ATP8B2: variants seen among roughly 807,000 people sequenced by gnomAD.
ATP8B2 encodes the protein ATPase phospholipid transporting 8B2.
A neutral mutation model predicts 133.4 loss-of-function variants in ATP8B2; 70 were observed. The ratio of observed to expected loss-of-function variants is 0.52; its 90% confidence interval spans 0.43 to 0.64. The LOEUF is 0.64. Among genes scored for constraint, ATP8B2 ranks in the 30% least tolerant of loss-of-function variants. The pLI is 0.00. For missense variants in ATP8B2, 1,101 were observed against 1,535.7 expected, an observed-to-expected ratio of 0.72 and a Z score of 4.73; for synonymous variants, 517 against 589.5, an observed-to-expected ratio of 0.88 and a Z score of 1.78.
Position 154,346,212 on chromosome 1 carries a change from A to T in ATP8B2, c.2779-19A>T. On this transcript the variant is annotated intron_variant, in intron 24 of 27. Coordinates refer to ENST00000368489, the MANE Select transcript of ATP8B2 (RefSeq NM_001370597.1). This position sits in a 1 kb window ranked among gnomAD's most constrained non-coding sequence, Gnocchi z 4.5. ...GGCAACCTCTGAGGCCCCCTATGCT[A>T]CATGGTCCTCCCACACAGGATGTCC... 1 of 1,611,492 alleles carries T rather than the reference A, an allele frequency of 6.2e-7. No homozygotes were observed. Among genetic ancestry groups the T allele is most frequent in the Non-Finnish European group, 8.5e-7 (1 of 1,178,998 alleles).
At position 154,344,942 on chromosome 1, in the gene ATP8B2, T is replaced by C. The variant is rs1194586; in HGVS notation, c.2287-29T>C. ...ACTCCCAGGTGTCTCCTGGAAAGAC[T>C]GGCTCTCTCAGGTTTCTCTGTGCTC... On this transcript the variant is annotated intron_variant, in intron 21 of 27. Coordinates refer to ENST00000368489, the MANE Select transcript of ATP8B2 (RefSeq NM_001370597.1). The surrounding 1 kb of genome is among the most constrained non-coding windows in gnomAD (Gnocchi z 4.1). 723,532 of 1,590,620 alleles carry C rather than the reference T, an allele frequency of 0.45. 169,353 individuals carry two copies. Among genetic ancestry groups the C allele is most frequent in the East Asian group, 0.6 (26,880 of 44,618 alleles).
At chr1:154,327,746 C>A in intron 1 of ATP8B2, 1 of 1,553,246 alleles carries the variant, frequency 6.4e-7, no homozygotes, top group Non-Finnish European at 8.9e-7. Flanking sequence ...TTCTAGTAAG[C>A]ACAAGCACTA....
Position 154,331,578 on chromosome 1 carries a change from C to T in ATP8B2, c.366-28C>T, listed in dbSNP as rs1348865878. ...TAGGAACCTCTTTAGCTCCTGACAG[C>T]CTCTTCACTGTCTTCTCGTTGCCTC... On this transcript the variant is annotated intron_variant, in intron 6 of 27. Transcript: ENST00000368489. This position sits in a 1 kb window ranked among gnomAD's most constrained non-coding sequence, Gnocchi z 4.8. 1.9e-6 allele frequency: 3 copies of T among 1,613,766 alleles called. No individual in the cohort carries two copies. Among genetic ancestry groups the T allele is most frequent in the South Asian group, 2.2e-5 (2 of 91,076 alleles).
At position 154,344,620 on chromosome 1, in the gene ATP8B2, G is replaced by A. The variant is rs1391177463; in HGVS notation, c.2142-21G>A. On this transcript the variant is annotated intron_variant, in intron 20 of 27. Transcript: ENST00000368489. The surrounding 1 kb of genome is among the most constrained non-coding windows in gnomAD (Gnocchi z 4.1). ...ACTGCCGTTCTGGAAGACCACAACC[G>A]TATCATTTCCACCTCGACAGGAAAG... 1.4e-5 allele frequency: 22 copies of A among 1,606,822 alleles called. No individual in the cohort carries two copies. Among genetic ancestry groups the A allele is most frequent in the East Asian group, 4.5e-5 (2 of 44,650 alleles).
At position 154,349,408 on chromosome 1, in the gene ATP8B2, G is replaced by T. The variant is rs932850705; in HGVS notation, c.*290G>T. On this transcript the variant is annotated 3_prime_UTR_variant, in exon 28 of 28. Coordinates refer to ENST00000368489, the MANE Select transcript of ATP8B2 (RefSeq NM_001370597.1). ...GTGGAACCAAAAACAAGAAAAAACT[G>T]TGAGAGATTGTGTCTGCCCCTGCCC... 6.6e-6 allele frequency: 3 copies of T among 453,604 alleles called. No individual in the cohort carries two copies. The highest frequency in any genetic ancestry group is 5.8e-5 in the African/African-American group (3 of 51,592). 28.1% of individuals were successfully genotyped at this position (453,604 alleles called of 1,614,324 possible). A position where few individuals can be genotyped will look rare whatever the true frequency, so the allele number is the denominator to read the frequency against.
In ATP8B2 at chr1:154,342,494, G is replaced by T; in HGVS notation, c.1258G>T (p.Val420Phe). Residue 420 changes from valine to phenylalanine, a missense_variant, in exon 14 of 28, where the codon GTC (valine) becomes TTC (phenylalanine). Val to Phe is a conservative substitution (Grantham distance 50). Coordinates refer to ENST00000368489, the MANE Select transcript of ATP8B2 (RefSeq NM_001370597.1). The part of the protein sequence containing the change: ...NGHSYGDVFD[V>F]LGHKAELGER... ...GCTGTATGTAGGTGATGTGTTTGAC[G>T]TCCTGGGACACAAAGCTGAATTGGG... is the stretch of plus-strand genomic sequence containing the variant. 6.2e-7 allele frequency: 1 copy of T among 1,613,882 alleles called. No homozygotes were observed. Among genetic ancestry groups the T allele is most frequent in the East Asian group, 2.2e-5 (1 of 44,880 alleles).
In ATP8B2 at chr1:154,344,311, T is replaced by G; in HGVS notation, c.2035+57T>G. 3 of 1,614,140 alleles carry G rather than the reference T, an allele frequency of 1.9e-6. No homozygotes were observed. The highest frequency in any genetic ancestry group is 2.5e-6 in the Non-Finnish European group (3 of 1,180,012). ...ACTGACAGTAGCCCTGTTGGACCCT[T>G]GCATGGAGCCGAGGACATCAGGCAG... On this transcript the variant is annotated intron_variant, in intron 19 of 27. Coordinates refer to ENST00000368489, the MANE Select transcript of ATP8B2 (RefSeq NM_001370597.1). The surrounding 1 kb of genome is among the most constrained non-coding windows in gnomAD (Gnocchi z 4.1).
At chr1:154,326,581 C>T (rs1404651162) in intron 1 of ATP8B2, among the ~76,000 whole-genome samples, 1 of 152,188 alleles carries the variant, frequency 6.6e-6, no homozygotes, top group African/African-American at 2.4e-5. Flanking sequence ...CTCTCTTCCC[C>T]TTGGAATGAT....
At chr1:154,333,410 A>G (rs1304164874) in intron 9 of ATP8B2, among the ~76,000 whole-genome samples, 1 of 151,364 alleles carries the variant, frequency 6.6e-6, no homozygotes, top group Non-Finnish European at 1.5e-5. Flanking sequence ...AGGCTGAGGC[A>G]TGAGAGTTGC....
chr1:154,335,499 C>T (rs1056532984), intron 11 of ATP8B2, among the ~76,000 whole-genome samples: 3 of 151,312 alleles, frequency 2.0e-5, no homozygotes, highest in African/African-American at 7.3e-5. Context: ...CGAAAACAGC[C>T]TGGACACCAT....
Position 154,331,419 on chromosome 1 carries a change from T to TA in ATP8B2, c.304-24dup. On this transcript the variant is annotated intron_variant, in intron 5 of 27. Coordinates refer to ENST00000368489, the MANE Select transcript of ATP8B2 (RefSeq NM_001370597.1). The surrounding 1 kb of genome is among the most constrained non-coding windows in gnomAD (Gnocchi z 4.8). The stretch of plus-strand genomic sequence containing the variant: ...TCCTTCGAGGCGGGGGAAGGTGTCT[T>TA]ACCTTTCAGTTTTCTTCTTTTCAGT... The TA allele has an allele frequency of 6.2e-7, 1 of 1,612,316 alleles. No individual in the cohort carries two copies. The highest frequency in any genetic ancestry group is 8.5e-7 in the Non-Finnish European group (1 of 1,178,926).
At position 154,344,730 on chromosome 1, in the gene ATP8B2, C is replaced by T; in HGVS notation, c.2231C>T (p.Ser744Phe). The change falls in exon 21 of 28, where the codon TCT becomes TTT. Residue 744 changes from serine to phenylalanine, a missense_variant. Physicochemically the swap from Ser to Phe is radical, Grantham distance 155. Transcript: ENST00000368489. This position sits in a 1 kb window ranked among gnomAD's most constrained non-coding sequence, Gnocchi z 4.1. ...QDKLSSSKLT[S>F]VLEAVAGEYA... ...AAGCTTTCTTCTTCCAAGCTAACTT[C>T]TGTCCTGGAGGCCGTTGCTGGGGAG... The T allele has an allele frequency of 2.5e-6, 4 of 1,611,608 alleles. No homozygotes were observed. The highest frequency in any genetic ancestry group is 3.4e-6 in the Non-Finnish European group (4 of 1,177,854).
intron 26 of ATP8B2, among the ~76,000 whole-genome samples, chr1:154,347,948 A>G (rs1472709461): frequency 6.6e-6 from 1 of 152,104 alleles, no homozygotes; most frequent in Non-Finnish European, 1.5e-5. Context: ...CAAAAAAAAA[A>G]AAAAAAAATG....
At chr1:154,338,311 T>C (rs1292389059) in intron 12 of ATP8B2, among the ~76,000 whole-genome samples, 1 of 152,166 alleles carries the variant, frequency 6.6e-6, no homozygotes, top group Non-Finnish European at 1.5e-5. Flanking sequence ...AGCTTGCTCC[T>C]GATTGTGGAG....
chr1:154,335,472 A>G (rs1390162004), intron 11 of ATP8B2, among the ~76,000 whole-genome samples: 1 of 152,058 alleles, frequency 6.6e-6, no homozygotes, highest in African/African-American at 2.4e-5. Context: ...TGGGAGGATC[A>G]TTTGAGCCTA....
intron 26 of ATP8B2, among the ~76,000 whole-genome samples, chr1:154,347,885 G>A (rs1443867779): frequency 6.7e-6 from 1 of 149,026 alleles, no homozygotes; most frequent in Non-Finnish European, 1.5e-5. Flanking sequence ...AGGTTGTGGT[G>A]AGCCGAGATC....
intron 1 of ATP8B2, chr1:154,327,665 C>A: frequency 1.2e-6 from 1 of 845,088 alleles, no homozygotes; most frequent in Non-Finnish European, 2.0e-6. Flanking sequence ...CCTGCCCACC[C>A]TGTTTCCTGA....
intron 26 of ATP8B2, among the ~76,000 whole-genome samples, chr1:154,348,033 TA>T (rs1558276580): frequency 5.9e-5 from 8 of 135,340 alleles, no homozygotes; most frequent in South Asian, 4.8e-4. Flanking sequence ...AAAAAAAAAT[TA>T]AAAAAAAATT....
intron 3 of ATP8B2, 125 bp downstream of exon 3, chr1:154,330,579 C>A: frequency 1.0e-6 from 1 of 980,668 alleles, no homozygotes; most frequent in Non-Finnish European, 1.6e-6. Context: ...GCAACCTCCT[C>A]AGCCACTCTC....
Sources: gnomAD v4.1 joint callset for allele counts (sites outside exome capture counted in the v4.1 genomes callset) on GRCh38, gnomAD v4.1.1 for gene constraint, Gnocchi (gnomAD v3.1) non-coding constraint, MANE v1.5 for transcripts, NCBI Gene and HGNC (gene_info 2026-07-23, HGNC 2026-07-21) for gene names.